Variants in SYNE2 observed in about 807,000 individuals in gnomAD.
The protein encoded by SYNE2 is nesprin-2.
SYNE2 carries 431 observed loss-of-function variants against 856.3 expected under a neutral mutation model. That is an observed-to-expected ratio of 0.50 (90% CI 0.47 to 0.55). SYNE2 has a LOEUF of 0.55. SYNE2 is among the 20% of genes least tolerant of loss of function. SYNE2 has a pLI of 0.00. For synonymous variants in SYNE2, 2,923 were observed against 2,872.3 expected, an observed-to-expected ratio of 1.02 and a Z score of -0.56; for missense variants, 8,129 against 8,023.2, an observed-to-expected ratio of 1.01 and a Z score of -0.50.
intron 1 of SYNE2, among the ~76,000 whole-genome samples, chr14:63,905,686 G>A (rs1030106292): frequency 4.6e-5 from 7 of 152,178 alleles, no homozygotes; most frequent in Non-Finnish European, 8.8e-5. Flanking sequence ...ATCAGTTCTA[G>A]TAGCCTTTTG....
At chr14:64,183,055 C>T (rs1353634080) in intron 96 of SYNE2, among the ~76,000 whole-genome samples, 3 of 148,012 alleles carry the variant, frequency 2.0e-5, no homozygotes, top group Admixed American at 6.7e-5. Flanking sequence ...GGCTGCTGGG[C>T]GGAGACGCTC....
chr14:64,171,604 C>T (rs1347753246), intron 94 of SYNE2, among the ~76,000 whole-genome samples: 2 of 152,102 alleles, frequency 1.3e-5, no homozygotes, highest in Non-Finnish European at 2.9e-5. Flanking sequence ...AAGAGCCTTT[C>T]AGACTGAAGG....
Position 64,141,398 on chromosome 14 carries a change from G to A in SYNE2, c.15034G>A (p.Gly5012Arg), listed in dbSNP as rs1249680373. The change falls in exon 81 of 116, where the codon GGG (glycine) becomes AGG (arginine). Residue 5012 changes from glycine to arginine, a missense_variant. By Grantham distance (125) the Gly-to-Arg change is moderately radical. This residue lies in a region of SYNE2 where 5,410 missense variants were observed against 5,284.8 expected (regional missense o/e 1.02). Transcript: ENST00000555002. ...SSLKTAVISI[G>R]NQLLHLKETD... is the part of the protein sequence containing the mutation. ...CTTGAAGACTGCCGTTATCAGTATC[G>A]GGAACCAGCTTCTTCACCTGAAAGA... The A allele has an allele frequency of 4.3e-6, 7 of 1,613,820 alleles. No individual in the cohort carries two copies. The highest frequency in any genetic ancestry group is 3.3e-5 in the Admixed American group (2 of 59,980).
Position 64,214,267 on chromosome 14 carries a change from C to T in SYNE2, c.19130C>T (p.Ser6377Phe). The change falls in exon 106 of 116, where the codon TCT becomes TTT. Residue 6377 changes from serine to phenylalanine, a missense_variant. Coordinates refer to ENST00000555002, the MANE Select transcript of SYNE2 (RefSeq NM_182914.3). Reference protein sequence around the residue: ...MEDPREIQTDSWRKRGESEEP... With the variant: ...MEDPREIQTDFWRKRGESEEP... ...GACCCCAGAGAAATCCAGACTGATTCTTGGCGTAAACGGGGAGAGAGCGAG... is the reference window on the plus strand; with the variant it reads ...GACCCCAGAGAAATCCAGACTGATTTTTGGCGTAAACGGGGAGAGAGCGAG... 1 of 1,614,044 alleles carries T rather than the reference C, an allele frequency of 6.2e-7. No individual in the cohort carries two copies. The highest frequency in any genetic ancestry group is 8.5e-7 in the Non-Finnish European group (1 of 1,180,016).
At chr14:64,149,405 C>G (rs1160719870) in intron 84 of SYNE2, among the ~76,000 whole-genome samples, 1 of 152,160 alleles carries the variant, frequency 6.6e-6, no homozygotes, top group Non-Finnish European at 1.5e-5. Context: ...GGTAAGCTTG[C>G]TAAAGTGGCT....
chr14:64,124,495 A>G (rs1173271704), intron 70 of SYNE2, among the ~76,000 whole-genome samples: 3 of 150,866 alleles, frequency 2.0e-5, no homozygotes, highest in African/African-American at 7.3e-5. Context: ...AAGTACTAGG[A>G]TTATAGGCAT....
Position 64,175,142 on chromosome 14 carries a change from A to T in SYNE2, c.17430+4A>T, listed in dbSNP as rs1384591086. 2.5e-6 allele frequency: 4 copies of T among 1,613,782 alleles called. No homozygotes were observed. The African/African-American group carries it at 5.3e-5, about 22-fold the overall frequency. On this transcript the variant is annotated splice_donor_region_variant and intron_variant, in intron 95 of 115. Transcript: ENST00000555002. Reference sequence around the variant, plus strand: ...GCAGTTCCAGAGCACTGTAGAGGTAAACTCACCACTTACTTTTCCATTCAT... The same window carrying T: ...GCAGTTCCAGAGCACTGTAGAGGTATACTCACCACTTACTTTTCCATTCAT...
chr14:64,146,709 G>T (rs560330775), intron 84 of SYNE2, among the ~76,000 whole-genome samples: 1 of 152,346 alleles, frequency 6.6e-6, no homozygotes, highest in South Asian at 2.1e-4. Flanking sequence ...TGAGGGTGTT[G>T]TCCGTGGTTC....
Position 64,223,330 on chromosome 14 carries a change from CAGTTACGGGAGCA to C in SYNE2, c.20336_20348del (p.Leu6779CysfsTer5). 1 of 1,614,170 alleles carries C rather than the reference CAGTTACGGGAGCA, an allele frequency of 6.2e-7. No individual in the cohort carries two copies. The highest frequency in any genetic ancestry group is 8.5e-7 in the Non-Finnish European group (1 of 1,180,018). On this transcript the variant is annotated frameshift_variant, in exon 113 of 116. Coordinates refer to ENST00000555002, the MANE Select transcript of SYNE2 (RefSeq NM_182914.3). LOFTEE classifies it high-confidence loss of function. ...GCATGTTATTGAGAAGAAACTCAAA[CAGTTACGGGAGCA>C]AGTGTCCCAAGATTTAATGGCCTTG... is the stretch of plus-strand genomic sequence containing the variant.
In SYNE2 at chr14:64,162,058, C is replaced by G. The variant is rs748585321; in HGVS notation, c.16095-14C>G. ...GAGAGAATGAGGGTTATGTTATTTG[C>G]GTTGCACTGACAGGTGGACTCAGGT... On this transcript the variant is annotated splice_polypyrimidine_tract_variant and intron_variant, in intron 87 of 115. Transcript: ENST00000555002. 1.5e-5 allele frequency: 24 copies of G among 1,613,824 alleles called. No homozygotes were observed. The East Asian group carries it at 1.6e-4, about 10-fold the overall frequency.
At chr14:64,155,159 CT>C (rs1405400216) in intron 85 of SYNE2, among the ~76,000 whole-genome samples, 1 of 152,194 alleles carries the variant, frequency 6.6e-6, no homozygotes, top group Non-Finnish European at 1.5e-5. Context: ...ACGCCAAAAA[CT>C]TATACGTGAA....
rs562043157 is a variant in SYNE2, at chr14:64,057,854, A to G, written c.10067+1588A>G. On this transcript the variant is annotated intron_variant, in intron 49 of 115. Transcript: ENST00000555002. ...ATGTCTCATTGTAGTTTTGATTTGC[A>G]TTTCTCTGATGGTCAGTGATGCTGA... Among the ~76,000 whole-genome samples the G allele has an allele frequency of 3.9e-5, 6 of 152,256 alleles. No homozygotes were observed. The South Asian group carries it at 1.0e-3, about 26-fold the overall frequency.
chr14:63,997,449 C>A, intron 25 of SYNE2, 58 bp downstream of exon 25: 1 of 1,292,848 alleles, frequency 7.7e-7, no homozygotes, highest in Non-Finnish European at 1.1e-6. Flanking sequence ...ACCAAGTGTA[C>A]AATAATTCAC....
rs756884324 is a variant in SYNE2, at chr14:63,982,834, A to G, written c.2001+40A>G. 1.9e-6 allele frequency: 3 copies of G among 1,592,458 alleles called. No homozygotes were observed. The South Asian group carries it at 3.3e-5, about 18-fold the overall frequency. On this transcript the variant is annotated intron_variant, in intron 17 of 115. Coordinates refer to ENST00000555002, the MANE Select transcript of SYNE2 (RefSeq NM_182914.3). ...TTGGTTGCAGCTTTATTTAGATATGATTCATGTACCACACAATTTACTCAT... is the reference window on the plus strand; with the variant it reads ...TTGGTTGCAGCTTTATTTAGATATGGTTCATGTACCACACAATTTACTCAT...
chr14:64,195,331 A>G (rs1280422391), intron 99 of SYNE2, among the ~76,000 whole-genome samples: 3 of 152,206 alleles, frequency 2.0e-5, no homozygotes, highest in Non-Finnish European at 2.9e-5. Flanking sequence ...ATGTCATGTT[A>G]TAACATGTCA....
chr14:63,872,917 T>TA (rs1432138401), intron 1 of SYNE2, among the ~76,000 whole-genome samples: 1 of 152,246 alleles, frequency 6.6e-6, no homozygotes, highest in Non-Finnish European at 1.5e-5. Context: ...CATTGTTTAA[T>TA]ATTCCATTGT....
At chr14:64,085,030 A>G (rs774244981) in intron 57 of SYNE2, 5 of 702,164 alleles carry the variant, frequency 7.1e-6, no homozygotes, top group South Asian at 1.5e-5. Flanking sequence ...AGCATAAACA[A>G]TCTCCAAGAG....
intron 1 of SYNE2, among the ~76,000 whole-genome samples, chr14:63,897,994 C>T (rs557919822): frequency 8.5e-5 from 13 of 152,296 alleles, no homozygotes; most frequent in African/African-American, 3.1e-4. Flanking sequence ...TTTCTGAGAT[C>T]CCAAATTGGA....
At chr14:64,221,872 GC>G (rs1041603909) in intron 112 of SYNE2, among the ~76,000 whole-genome samples, 168 bp downstream of exon 112, 3 of 152,214 alleles carry the variant, frequency 2.0e-5, no homozygotes, top group African/African-American at 7.2e-5. Flanking sequence ...TTACCGAGCT[GC>G]CCTTTGTAGT....
Sources: gnomAD v4.1 joint callset for allele counts (sites outside exome capture counted in the v4.1 genomes callset) on GRCh38, gnomAD v4.1.1 for gene constraint, gnomAD v4.1.1 regional missense constraint, MANE v1.5 for transcripts, NCBI Gene and HGNC (gene_info 2026-07-23, HGNC 2026-07-21) for gene names.